The following NPAS3 variants were observed in gnomAD, a reference collection of about 807,000 sequenced individuals.
The protein encoded by NPAS3 is neuronal PAS domain protein 3.
Under a neutral mutation model 73.1 loss-of-function variants are expected in NPAS3, and 14 were observed. The ratio of observed to expected loss-of-function variants is 0.19; its 90% CI spans 0.13 to 0.30. NPAS3 has a LOEUF of 0.30. NPAS3 is among the 10% of genes least tolerant of loss of function. The probability of loss-of-function intolerance (pLI) is 1.00; values close to 1 mark genes in which losing one functional copy is unlikely to be tolerated. For synonymous variants in NPAS3, 620 were observed against 541.5 expected, an observed-to-expected ratio of 1.14 and a Z score of -2.01; for missense variants, 1,096 against 1,250.0, an observed-to-expected ratio of 0.88 and a Z score of 1.86.
chr14:33,766,849 C>T (rs1412700864), intron 7 of NPAS3, among the ~76,000 whole-genome samples: 2 of 152,212 alleles, frequency 1.3e-5, no homozygotes, highest in Non-Finnish European at 2.9e-5. Context: ...CTGGATCTCA[C>T]TTCCACCTTG....
chr14:33,162,620 TACTC>T (rs556968994), intron 2 of NPAS3, among the ~76,000 whole-genome samples: 38 of 152,234 alleles, frequency 2.5e-4, no homozygotes, highest in African/African-American at 8.7e-4. Context: ...TGTAATTTCT[TACTC>T]TCTCTCCAAA....
At chr14:33,064,401 A>G (rs1194907679) in intron 2 of NPAS3, among the ~76,000 whole-genome samples, 1 of 152,074 alleles carries the variant, frequency 6.6e-6, no homozygotes, top group African/African-American at 2.4e-5. Flanking sequence ...CATAACTTTT[A>G]TTTCCATATG....
intron 2 of NPAS3, among the ~76,000 whole-genome samples, chr14:33,165,669 C>T (rs1429029705): frequency 6.6e-6 from 1 of 151,854 alleles, no homozygotes; most frequent in Non-Finnish European, 1.5e-5. Context: ...AATGTAAATA[C>T]CTGTTTTTTT....
At chr14:33,017,829 A>G (rs1435927912) in intron 1 of NPAS3, among the ~76,000 whole-genome samples, 1 of 152,244 alleles carries the variant, frequency 6.6e-6, no homozygotes, top group African/African-American at 2.4e-5. Flanking sequence ...ATTAAATAGC[A>G]TCAAGTGGAC....
chr14:33,457,524 C>G (rs567866774), intron 4 of NPAS3, among the ~76,000 whole-genome samples: 16 of 152,252 alleles, frequency 1.1e-4, no homozygotes, highest in Non-Finnish European at 8.8e-5. Flanking sequence ...GCAATGCCTC[C>G]CACTACTGAG....
Position 32,974,907 on chromosome 14 carries a change from G to GA in NPAS3, c.50+35545dup, listed in dbSNP as rs1210726997. 2.0e-5 allele frequency among the ~76,000 whole-genome samples: 3 copies of GA among 151,998 alleles called. No homozygotes were observed. In the East Asian group the frequency reaches 5.8e-4, roughly 29 times the overall value. On this transcript the variant is annotated intron_variant, in intron 1 of 11. Coordinates refer to ENST00000356141, the Ensembl canonical transcript of NPAS3. ...ATCAAACAAAAACAAATCACAAGCAGAAAAGAACAAATGAAAGGTTTTTCT... is the reference window on the plus strand; with the variant it reads ...ATCAAACAAAAACAAATCACAAGCAGAAAAAGAACAAATGAAAGGTTTTTCT...
At chr14:33,753,358 T>TAAAAAAAAAAA (rs34619014) in intron 7 of NPAS3, among the ~76,000 whole-genome samples, 1,760 of 129,022 alleles carry the variant, frequency 0.014, 36 homozygotes, top group African/African-American at 0.047. Flanking sequence ...GTTAAATTGA[T>TAAAAAAAAAAA]AAAAAAAAAA....
intron 2 of NPAS3, among the ~76,000 whole-genome samples, chr14:33,158,966 C>G (rs1442526920): frequency 6.6e-6 from 1 of 152,054 alleles, no homozygotes; most frequent in Non-Finnish European, 1.5e-5. Flanking sequence ...AGTTCGAGAC[C>G]AGCCTGGCCA....
upstream of NPAS3, among the ~76,000 whole-genome samples, chr14:32,935,529 A>T (rs2035669191): frequency 6.6e-6 from 1 of 152,212 alleles, no homozygotes; most frequent in Non-Finnish European, 1.5e-5. Flanking sequence ...TACAGCATGA[A>T]ATCCGAGTCT....
intron 5 of NPAS3, among the ~76,000 whole-genome samples, chr14:33,652,218 T>G (rs577977594): frequency 2.0e-5 from 3 of 152,346 alleles, no homozygotes; most frequent in Non-Finnish European, 4.4e-5. Flanking sequence ...TTTGTTGTAA[T>G]GGGTGTCAAG....
intron 4 of NPAS3, among the ~76,000 whole-genome samples, chr14:33,427,118 G>T (rs1272558951): frequency 6.6e-6 from 1 of 152,030 alleles, no homozygotes; most frequent in Non-Finnish European, 1.5e-5. Flanking sequence ...CTAGCAGAGA[G>T]ATAGTTACAA....
At chr14:33,367,382 A>AT in intron 4 of NPAS3, 114 bp downstream of exon 4, 1 of 550,294 alleles carries the variant, frequency 1.8e-6, no homozygotes. Flanking sequence ...GACTGTTGTG[A>AT]TTTTATCTTG....
At chr14:33,261,704 T>C (rs1016738701) in intron 3 of NPAS3, among the ~76,000 whole-genome samples, 1 of 152,198 alleles carries the variant, frequency 6.6e-6, no homozygotes, top group African/African-American at 2.4e-5. Context: ...CATAACAATT[T>C]TATGTGTCAA....
chr14:33,609,315 A>G (rs999763816), intron 5 of NPAS3, among the ~76,000 whole-genome samples: 3 of 152,178 alleles, frequency 2.0e-5, no homozygotes, highest in Non-Finnish European at 4.4e-5. Context: ...ACCAAATACA[A>G]AAATGTTGTT....
intron 3 of NPAS3, among the ~76,000 whole-genome samples, chr14:33,233,375 A>G (rs1353041910): frequency 2.6e-5 from 4 of 152,300 alleles, no homozygotes; most frequent in East Asian, 3.9e-4. Context: ...TTTTAACTAT[A>G]TTATAGGTTT....
At chr14:33,011,729 A>G (rs1228653238) in intron 1 of NPAS3, among the ~76,000 whole-genome samples, 1 of 152,074 alleles carries the variant, frequency 6.6e-6, no homozygotes, top group Non-Finnish European at 1.5e-5. Context: ...AAATAATTTA[A>G]TTATAAACCA....
chr14:33,638,957 G>A (rs181153041), intron 5 of NPAS3, among the ~76,000 whole-genome samples: 32 of 152,294 alleles, frequency 2.1e-4, no homozygotes, highest in Admixed American at 1.4e-3. Flanking sequence ...AAATTCCTTA[G>A]AAGTTATTTG....
intron 4 of NPAS3, among the ~76,000 whole-genome samples, chr14:33,430,382 C>T (rs948119671): frequency 4.6e-5 from 7 of 152,090 alleles, no homozygotes; most frequent in Non-Finnish European, 7.4e-5. Context: ...GACTTGTTAA[C>T]GATCACACTG....
intron 1 of NPAS3, among the ~76,000 whole-genome samples, chr14:33,051,296 A>AAAAAAAAAG (rs771840433): frequency 3.7e-4 from 53 of 142,560 alleles, no homozygotes; most frequent in South Asian, 6.5e-4. Flanking sequence ...AAAAAAAAAA[A>AAAAAAAAAG]AGAGAGACTA....
Sources: allele counts gnomAD v4.1 joint callset (sites outside exome capture counted in the v4.1 genomes callset), GRCh38; gene constraint gnomAD v4.1.1; transcripts MANE v1.5; gene names NCBI Gene and HGNC (gene_info 2026-07-23, HGNC 2026-07-21).